Variants in ARHGEF26 observed in about 807,000 individuals in gnomAD.
ARHGEF26 encodes Rho guanine nucleotide exchange factor (GEF) 26.
A neutral mutation model predicts 89.4 loss-of-function variants in ARHGEF26; 59 were observed. That is an observed-to-expected ratio of 0.66 (90% CI 0.54 to 0.82). ARHGEF26 has a LOEUF of 0.82. Ranked by LOEUF, ARHGEF26 falls within the 40% of genes least tolerant of loss-of-function variation. The pLI is 0.00. For missense variants in ARHGEF26, 1,234 were observed against 1,085.6 expected, an observed-to-expected ratio of 1.14 and a Z score of -1.92; for synonymous variants, 500 against 428.4, an observed-to-expected ratio of 1.17 and a Z score of -2.06.
intron 9 of ARHGEF26, among the ~76,000 whole-genome samples, chr3:154,207,152 C>A (rs1238201237): frequency 1.3e-5 from 2 of 151,928 alleles, no homozygotes; most frequent in Non-Finnish European, 2.9e-5. Context: ...ACTATAAAAC[C>A]CTGAAAGAAA....
At chr3:154,165,676 C>G (rs1711973415) in intron 6 of ARHGEF26, among the ~76,000 whole-genome samples, 1 of 152,110 alleles carries the variant, frequency 6.6e-6, no homozygotes, top group African/African-American at 2.4e-5. Flanking sequence ...TAATCTCATC[C>G]TTAGACAGAT....
intron 9 of ARHGEF26, among the ~76,000 whole-genome samples, chr3:154,206,054 A>AT (rs1028996769): frequency 1.3e-5 from 2 of 151,882 alleles, no homozygotes; most frequent in Non-Finnish European, 2.9e-5. Flanking sequence ...TTCCTTTAGC[A>AT]TTTCTTGCAG....
intron 9 of ARHGEF26, among the ~76,000 whole-genome samples, chr3:154,202,941 C>T (rs1450211976): frequency 1.3e-5 from 2 of 152,140 alleles, no homozygotes; most frequent in South Asian, 2.1e-4. Flanking sequence ...ATGTCATCTG[C>T]AAACAGGGAC....
At chr3:154,224,196 CTCT>C (rs1358665990) in intron 10 of ARHGEF26, among the ~76,000 whole-genome samples, 2 of 152,142 alleles carry the variant, frequency 1.3e-5, no homozygotes, top group Admixed American at 6.6e-5. Context: ...ATTTTAATAT[CTCT>C]TCTTTAATAA....
At chr3:154,214,614 A>C (rs357506) in intron 9 of ARHGEF26, among the ~76,000 whole-genome samples, 138,852 of 152,130 alleles carry the variant, frequency 0.91, 63,617 homozygotes, top group East Asian at 1. Flanking sequence ...GGCTCTGGGA[A>C]ATTTAAGAAG....
Position 154,253,195 on chromosome 3 carries a change from C to G in ARHGEF26, c.2368+12C>G, listed in dbSNP as rs776588412. On this transcript the variant is annotated intron_variant, in intron 13 of 14. Transcript: ENST00000465093. ...TGCAGACCGAACCTGTAAGTTCTCT[C>G]AAGGGGAAGCCCACTTGGGAACATG... is the stretch of plus-strand genomic sequence containing the variant. The G allele has an allele frequency of 5.0e-6, 8 of 1,613,938 alleles. No individual in the cohort carries two copies. In the East Asian group the frequency reaches 1.8e-4, roughly 36 times the overall value.
At chr3:154,225,332 A>C (rs1162270995) in intron 10 of ARHGEF26, among the ~76,000 whole-genome samples, 1 of 152,160 alleles carries the variant, frequency 6.6e-6, no homozygotes, top group Non-Finnish European at 1.5e-5. Flanking sequence ...CTAAATAGAT[A>C]ATTTGTAGAC....
intron 6 of ARHGEF26, among the ~76,000 whole-genome samples, chr3:154,177,139 A>T (rs1712871582): frequency 6.6e-6 from 1 of 152,236 alleles, no homozygotes. Flanking sequence ...AGCAGGAAAC[A>T]TAGATTTAAG....
In ARHGEF26 at chr3:154,239,888, T is replaced by G. The variant is rs181082705; in HGVS notation, c.2091-482T>G. Among the ~76,000 whole-genome samples the G allele has an allele frequency of 3.5e-3, 533 of 152,158 alleles. 4 individuals carry two copies. Among genetic ancestry groups the G allele is most frequent in the African/African-American group, 0.012 (513 of 41,508 alleles). The stretch of plus-strand genomic sequence containing the variant: ...TCTGAGTGTGGGACACAAGGATGGG[T>G]TGGGTGTCTTGCCAGAAGCAAGCAG... On this transcript the variant is annotated intron_variant, in intron 11 of 14. Coordinates refer to ENST00000465093, the MANE Select transcript of ARHGEF26 (RefSeq NM_015595.4).
chr3:154,164,482 A>G (rs574524456), intron 6 of ARHGEF26, among the ~76,000 whole-genome samples: 8 of 152,146 alleles, frequency 5.3e-5, no homozygotes, highest in East Asian at 1.9e-4. Flanking sequence ...TTGGATTTCA[A>G]AAAGGTTTCG....
intron 6 of ARHGEF26, among the ~76,000 whole-genome samples, chr3:154,163,379 T>G (rs1711788570): frequency 6.6e-6 from 1 of 152,176 alleles, no homozygotes; most frequent in Admixed American, 6.5e-5. Context: ...CGTGGATTTG[T>G]TTAAAGTCAT....
At position 154,212,902 on chromosome 3, in the gene ARHGEF26, C is replaced by T. The variant is rs575245253; in HGVS notation, c.1846-4967C>T. Among the ~76,000 whole-genome samples, 173 of 152,270 alleles carry T rather than the reference C, an allele frequency of 1.1e-3. 1 individual carries two copies. Among genetic ancestry groups the T allele is most frequent in the Non-Finnish European group, 2.0e-3 (136 of 68,026 alleles). On this transcript the variant is annotated intron_variant, in intron 9 of 14. Coordinates refer to ENST00000465093, the MANE Select transcript of ARHGEF26 (RefSeq NM_015595.4). The stretch of plus-strand genomic sequence containing the variant: ...TATATATGGTACCTATTTCATTTAA[C>T]ATTCTAAGTTGTGCTCCATTGAACA...
At chr3:154,234,911 G>T (rs374802916) in intron 11 of ARHGEF26, among the ~76,000 whole-genome samples, 1 of 152,066 alleles carries the variant, frequency 6.6e-6, no homozygotes, top group Non-Finnish European at 1.5e-5. Flanking sequence ...GACTACAGGC[G>T]CTCACCACCG....
intron 6 of ARHGEF26, 112 bp from the exon 7 acceptor site, chr3:154,187,573 T>C: frequency 1.2e-6 from 1 of 831,872 alleles, no homozygotes; most frequent in African/African-American, 1.7e-5. Flanking sequence ...TAGTTGGTAC[T>C]GTGTACTGTT....
chr3:154,185,603 C>T (rs1713475676), intron 6 of ARHGEF26, among the ~76,000 whole-genome samples: 1 of 152,162 alleles, frequency 6.6e-6, no homozygotes. Context: ...CTCCCAGCAC[C>T]TCAAGGTGTT....
chr3:154,147,638 T>C (rs1460153644), intron 4 of ARHGEF26, among the ~76,000 whole-genome samples: 3 of 152,336 alleles, frequency 2.0e-5, no homozygotes, highest in East Asian at 3.9e-4. Context: ...ACTATAGGTA[T>C]AAACATATGT....
intron 4 of ARHGEF26, among the ~76,000 whole-genome samples, chr3:154,144,056 G>A (rs946411505): frequency 6.6e-6 from 1 of 152,148 alleles, no homozygotes; most frequent in Non-Finnish European, 1.5e-5. Context: ...AAATGACCAG[G>A]GAGCCCTGCT....
At chr3:154,172,183 G>A (rs1712492288) in intron 6 of ARHGEF26, among the ~76,000 whole-genome samples, 1 of 152,214 alleles carries the variant, frequency 6.6e-6, no homozygotes, top group Admixed American at 6.5e-5. Context: ...GAACTCTGGA[G>A]TCATGGCATG....
intron 6 of ARHGEF26, among the ~76,000 whole-genome samples, chr3:154,171,261 A>G (rs1395767516): frequency 6.6e-6 from 1 of 152,176 alleles, no homozygotes; most frequent in African/African-American, 2.4e-5. Context: ...CAGAGTTCTT[A>G]TATACCCCCT....
Sources: allele counts gnomAD v4.1 joint callset (sites outside exome capture counted in the v4.1 genomes callset), GRCh38; gene constraint gnomAD v4.1.1; transcripts MANE v1.5; gene names NCBI Gene and HGNC (gene_info 2026-07-23, HGNC 2026-07-21).